Variants in PLCB1 observed in about 807,000 individuals in gnomAD.
PLCB1 encodes phospholipase C beta 1.
Under a neutral mutation model 161.8 loss-of-function variants are expected in PLCB1, and 46 were observed. The observed-to-expected ratio is 0.28, with a 90% CI of 0.22 to 0.36. PLCB1 has a LOEUF of 0.36. Ranked by LOEUF, PLCB1 falls within the 10% of genes least tolerant of loss-of-function variation. The pLI, the probability that PLCB1 is intolerant of heterozygous loss-of-function variation, is 1.00. For missense variants in PLCB1, 1,016 were observed against 1,472.5 expected, an observed-to-expected ratio of 0.69 and a Z score of 5.07; for synonymous variants, 517 against 503.7, an observed-to-expected ratio of 1.03 and a Z score of -0.35.
chr20:8,629,036 T>C (rs543928164), intron 4 of PLCB1, among the ~76,000 whole-genome samples: 1 of 152,262 alleles, frequency 6.6e-6, no homozygotes, highest in South Asian at 2.1e-4. Context: ...AAACACTTTC[T>C]CCCAAGTCAT....
At chr20:8,685,202 T>A (rs1027356193) in intron 10 of PLCB1, 124 bp downstream of exon 10, 2 of 902,392 alleles carry the variant, frequency 2.2e-6, no homozygotes, top group Non-Finnish European at 3.5e-6. Flanking sequence ...CTCTGAGAAC[T>A]CTGGGGTTCC....
At chr20:8,199,758 A>G (rs924147195) in intron 2 of PLCB1, among the ~76,000 whole-genome samples, 1 of 152,154 alleles carries the variant, frequency 6.6e-6, no homozygotes, top group Non-Finnish European at 1.5e-5. Flanking sequence ...TAAACTACAT[A>G]ATGAAGATCT....
chr20:8,638,742 C>T (rs1433992513), intron 4 of PLCB1, among the ~76,000 whole-genome samples: 1 of 152,122 alleles, frequency 6.6e-6, no homozygotes, highest in Non-Finnish European at 1.5e-5. Context: ...GCATATATTA[C>T]ACCTGTCACT....
intron 2 of PLCB1, among the ~76,000 whole-genome samples, chr20:8,317,844 A>T (rs561876359): frequency 6.6e-6 from 1 of 152,188 alleles, no homozygotes; most frequent in Non-Finnish European, 1.5e-5. Flanking sequence ...ATAAAGCTTC[A>T]TAGTTTTAAA....
intron 25 of PLCB1, among the ~76,000 whole-genome samples, chr20:8,761,738 G>A (rs573284709): frequency 1.3e-5 from 2 of 150,152 alleles, no homozygotes; most frequent in South Asian, 2.1e-4. Context: ...GGCTGGTCTC[G>A]AACTCCTGAC....
intron 31 of PLCB1, among the ~76,000 whole-genome samples, chr20:8,854,459 AC>A (rs1296122587): frequency 6.6e-6 from 1 of 152,166 alleles, no homozygotes; most frequent in Non-Finnish European, 1.5e-5. Context: ...ACCAGCCCCA[AC>A]ACCTCTCCTT....
chr20:8,580,937 A>C (rs989492913), intron 3 of PLCB1, among the ~76,000 whole-genome samples: 1 of 152,226 alleles, frequency 6.6e-6, no homozygotes, highest in Non-Finnish European at 1.5e-5. Flanking sequence ...AGCTACAAAC[A>C]TTTCCTTTAC....
intron 2 of PLCB1, among the ~76,000 whole-genome samples, chr20:8,183,705 T>C (rs2051871328): frequency 6.6e-6 from 1 of 152,218 alleles, no homozygotes; most frequent in African/African-American, 2.4e-5. Flanking sequence ...ATGTCAAGTA[T>C]GAATGTCCGT....
intron 3 of PLCB1, among the ~76,000 whole-genome samples, chr20:8,388,651 T>G (rs751683726): frequency 2.6e-5 from 4 of 152,170 alleles, no homozygotes; most frequent in Non-Finnish European, 5.9e-5. Flanking sequence ...TTTTTTTGGT[T>G]TGTTTTTTGG....
chr20:8,765,485 A>T, intron 26 of PLCB1, 127 bp downstream of exon 26: 1 of 674,878 alleles, frequency 1.5e-6, no homozygotes, highest in Non-Finnish European at 2.5e-6. Flanking sequence ...TCCGTTCTCC[A>T]TAGCTTTTGT....
intron 3 of PLCB1, among the ~76,000 whole-genome samples, chr20:8,531,119 C>T (rs1984796527): frequency 6.6e-6 from 1 of 151,996 alleles, no homozygotes; most frequent in African/African-American, 2.4e-5. Flanking sequence ...TGAATAGGGT[C>T]ATGGTCTTTT....
intron 2 of PLCB1, among the ~76,000 whole-genome samples, chr20:8,298,199 G>A (rs544515627): frequency 1.3e-5 from 2 of 151,456 alleles, no homozygotes; most frequent in African/African-American, 4.8e-5. Flanking sequence ...GATGGCTGAG[G>A]TAGGAGGATC....
chr20:8,538,047 C>A (rs1985124970), intron 3 of PLCB1, among the ~76,000 whole-genome samples: 1 of 152,100 alleles, frequency 6.6e-6, no homozygotes, highest in Admixed American at 6.5e-5. Flanking sequence ...TGACTAGAGT[C>A]CCTCTTTGAT....
At chr20:8,399,802 A>G (rs930902014) in intron 3 of PLCB1, among the ~76,000 whole-genome samples, 1 of 152,114 alleles carries the variant, frequency 6.6e-6, no homozygotes, top group African/African-American at 2.4e-5. Context: ...TAGTTAAACA[A>G]TTAGCAATAT....
At chr20:8,390,917 C>T (rs945150923) in intron 3 of PLCB1, among the ~76,000 whole-genome samples, 6 of 151,326 alleles carry the variant, frequency 4.0e-5, no homozygotes, top group African/African-American at 1.2e-4. Context: ...GAATAATCGC[C>T]ATGTTTATAT....
intron 31 of PLCB1, among the ~76,000 whole-genome samples, chr20:8,800,552 G>T (rs938261744): frequency 1.2e-4 from 19 of 152,178 alleles, no homozygotes; most frequent in Non-Finnish European, 2.2e-4. Context: ...AATGGATTTC[G>T]CCCTATCTAA....
chr20:8,562,240 A>G (rs1485081410), intron 3 of PLCB1, among the ~76,000 whole-genome samples: 1 of 152,022 alleles, frequency 6.6e-6, no homozygotes, highest in Non-Finnish European at 1.5e-5. Context: ...CACCTGGAGC[A>G]CCTTAAAAAT....
At chr20:8,482,993 A>G (rs1270500237) in intron 3 of PLCB1, among the ~76,000 whole-genome samples, 1 of 151,824 alleles carries the variant, frequency 6.6e-6, no homozygotes, top group East Asian at 1.9e-4. Flanking sequence ...AATGTGGGAG[A>G]CATTTTTCTC....
At chr20:8,294,626 C>G (rs958869416) in intron 2 of PLCB1, among the ~76,000 whole-genome samples, 1 of 150,506 alleles carries the variant, frequency 6.6e-6, no homozygotes, top group East Asian at 2.0e-4. Flanking sequence ...AATCTTCCAA[C>G]TAGCAGAGCA....
Sources: gnomAD v4.1 joint callset for allele counts (sites outside exome capture counted in the v4.1 genomes callset) on GRCh38, gnomAD v4.1.1 for gene constraint, MANE v1.5 for transcripts, NCBI Gene and HGNC (gene_info 2026-07-23, HGNC 2026-07-21) for gene names.